FMNL1: variants seen among roughly 807,000 people sequenced by gnomAD.
FMNL1 encodes formin like 1.
A neutral mutation model predicts 121.3 loss-of-function variants in FMNL1; 43 were observed. That is an observed-to-expected ratio of 0.35 (90% confidence interval 0.28 to 0.46). FMNL1 has a LOEUF of 0.46. Ranked by LOEUF, FMNL1 falls within the 20% of genes least tolerant of loss-of-function variation. FMNL1 has a pLI of 1.00. For synonymous variants in FMNL1, 613 were observed against 613.5 expected (o/e 1.00, Z 0.01); for missense variants, 1,191 against 1,482.4 (o/e 0.80, Z 3.23).
At chr17:45,239,287 A>C in intron 11 of FMNL1, 2 of 556,900 alleles carry the variant, frequency 3.6e-6, no homozygotes, top group Non-Finnish European at 3.2e-6. Context: ...CTCTAAATGC[A>C]TAGACCAGTG....
intron 1 of FMNL1, among the ~76,000 whole-genome samples, chr17:45,225,700 G>T (rs1345740785): frequency 6.6e-6 from 1 of 152,176 alleles, no homozygotes; most frequent in African/African-American, 2.4e-5. Context: ...CCTTTGAGGG[G>T]ACAGGGGTTA....
intron 2 of FMNL1, 104 bp from the exon 3 acceptor site, chr17:45,232,263 G>A (rs553786641): frequency 2.5e-5 from 24 of 961,614 alleles, no homozygotes; most frequent in South Asian, 2.0e-4. Flanking sequence ...AGAAAGCCTG[G>A]GACCTCAGAT....
intron 9 of FMNL1, 86 bp from the exon 10 acceptor site, chr17:45,238,478 G>A: frequency 1.5e-6 from 2 of 1,369,372 alleles, no homozygotes; most frequent in Non-Finnish European, 2.1e-6. Flanking sequence ...CTGGAGAGGA[G>A]CCTGTTGAAG....
At chr17:45,224,712 G>C (rs1252021111) in intron 1 of FMNL1, among the ~76,000 whole-genome samples, 2 of 152,192 alleles carry the variant, frequency 1.3e-5, no homozygotes, top group Non-Finnish European at 2.9e-5. Context: ...TGGGTGGTGG[G>C]GGGCTACCTT....
intron 1 of FMNL1, among the ~76,000 whole-genome samples, chr17:45,228,596 G>A (rs755179461): frequency 3.3e-5 from 5 of 152,214 alleles, no homozygotes; most frequent in Non-Finnish European, 5.9e-5. Flanking sequence ...GAAGGCAGTC[G>A]TCGGCGCGCA....
In FMNL1 at chr17:45,235,832, A is replaced by G. The variant is rs115934840; in HGVS notation, c.615-304A>G. Among the ~76,000 whole-genome samples, 862 of 152,294 alleles carry G rather than the reference A, an allele frequency of 5.7e-3. 6 individuals carry two copies. The highest frequency in any genetic ancestry group is 0.02 in the African/African-American group (826 of 41,552). Reference sequence around the variant, plus strand: ...CGTCTTACATTGGAAGATGAGCCCAAGTGGCCATGAGCGCCACCTTGTGGT... The same window carrying G: ...CGTCTTACATTGGAAGATGAGCCCAGGTGGCCATGAGCGCCACCTTGTGGT... On this transcript the variant is annotated intron_variant, in intron 6 of 26. Coordinates refer to ENST00000331495, the MANE Select transcript of FMNL1 (RefSeq NM_005892.4).
chr17:45,235,728 G>T (rs146163404), intron 6 of FMNL1, among the ~76,000 whole-genome samples: 350 of 152,322 alleles, frequency 2.3e-3, no homozygotes, highest in African/African-American at 7.6e-3. Flanking sequence ...GAAAGTGAGG[G>T]ATAGGGAGAT....
chr17:45,245,789 G>A, intron 23 of FMNL1, 56 bp downstream of exon 23: 1 of 1,610,678 alleles, frequency 6.2e-7, no homozygotes, highest in South Asian at 1.1e-5. Flanking sequence ...CCTTTCTACT[G>A]GGCAGCGGAG....
chr17:45,232,863 AT>A, intron 3 of FMNL1: 1 of 552,650 alleles, frequency 1.8e-6, no homozygotes, highest in East Asian at 4.3e-5. Context: ...GTGTGTGTCC[AT>A]GTATGGATGT....
intron 11 of FMNL1, among the ~76,000 whole-genome samples, chr17:45,239,476 C>T (rs982532567): frequency 8.5e-5 from 13 of 152,112 alleles, no homozygotes; most frequent in African/African-American, 3.1e-4. Flanking sequence ...GCTGGATGGG[C>T]CCAGGACATG....
At position 45,234,355 on chromosome 17, in the gene FMNL1, C is replaced by A. The variant is rs1347131580; in HGVS notation, c.614+155C>A. The A allele has an allele frequency of 3.0e-6, 4 of 1,321,000 alleles. 1 individual carries two copies. The highest frequency in any genetic ancestry group is 2.5e-5 in the South Asian group (2 of 79,398). The allele number at this position is 1,321,000 out of a possible 1,614,324, so 81.8% of individuals were successfully genotyped here. On this transcript the variant is annotated intron_variant, in intron 6 of 26. Coordinates refer to ENST00000331495, the MANE Select transcript of FMNL1 (RefSeq NM_005892.4). ...GGGACTCATACAGAGTTTGGGACAC[C>A]AGTATGTTAAGAAGCCATCAGGGGT...
Position 45,233,798 on chromosome 17 carries a change from A to C in FMNL1, c.485+67A>C, listed in dbSNP as rs1598191426. On this transcript the variant is annotated intron_variant, in intron 5 of 26. Transcript: ENST00000331495. The surrounding 1 kb of genome is among the most constrained non-coding windows in gnomAD (Gnocchi z 4.1). ...TTTGATCCCCGTCTCCCTGCATCTC[A>C]CCCACTCCCCTGGCCAGTTTCAAGC... is the stretch of plus-strand genomic sequence containing the variant. 2 of 1,582,954 alleles carry C rather than the reference A, an allele frequency of 1.3e-6. No homozygotes were observed. Among genetic ancestry groups the C allele is most frequent in the East Asian group, 2.3e-5 (1 of 43,784 alleles).
chr17:45,236,031 G>A (rs1348037945), intron 6 of FMNL1, 105 bp from the exon 7 acceptor site: 6 of 885,508 alleles, frequency 6.8e-6, no homozygotes, highest in South Asian at 4.8e-5. Flanking sequence ...ATGTGGTGCC[G>A]TCAGGTTCCA....
In FMNL1 at chr17:45,243,862, G is replaced by C; in HGVS notation, c.2285G>C (p.Arg762Pro). The C allele has an allele frequency of 6.2e-7, 1 of 1,613,804 alleles. No homozygotes were observed. Among genetic ancestry groups the C allele is most frequent in the Non-Finnish European group, 8.5e-7 (1 of 1,180,034 alleles). ...CGCTTCCTGCCCACAGAGTATGAGC[G>C]CAGCCTCATCACCCGCTTTGAGCGG... ...LMRFLPTEYE[R>P]SLITRFEREQ... is the part of the protein sequence containing the mutation. The change falls in exon 18 of 27, where the codon CGC (arginine) becomes CCC (proline). Residue 762 changes from arginine to proline, a missense_variant. By Grantham distance (103) the Arg-to-Pro change is moderately radical. Transcript: ENST00000331495.
intron 23 of FMNL1, 42 bp from the exon 24 acceptor site, chr17:45,245,836 A>G: frequency 1.9e-6 from 3 of 1,589,052 alleles, no homozygotes; most frequent in Non-Finnish European, 2.6e-6. Context: ...TGGGTAGGGC[A>G]GTAGGGAGGG....
At chr17:45,227,469 A>T (rs2043352328) in intron 1 of FMNL1, among the ~76,000 whole-genome samples, 1 of 152,078 alleles carries the variant, frequency 6.6e-6, no homozygotes, top group African/African-American at 2.4e-5. Flanking sequence ...TAATAGAAAG[A>T]TGTGGGGAAT....
chr17:45,232,592 TGA>T, intron 3 of FMNL1, 112 bp downstream of exon 3: 1 of 930,562 alleles, frequency 1.1e-6, no homozygotes, highest in Non-Finnish European at 1.7e-6. Context: ...GGTGCATGTA[TGA>T]GTGTGTGTGT....
intron 12 of FMNL1, 159 bp from the exon 13 acceptor site, chr17:45,240,970 T>A: frequency 1.2e-6 from 1 of 852,422 alleles, no homozygotes; most frequent in Non-Finnish European, 1.8e-6. Context: ...CTTATTTGCT[T>A]GGGTTCGAGT....
Position 45,242,061 on chromosome 17 carries a change from G to GGTGCCT in FMNL1, c.1801_1806dup (p.Val601_Pro602dup). ...CACCACCTCCGGGCACTGACGGGCC[G>GGTGCCT]GTGCCTCCGCCGCCGCCGCCGCCGC... is the stretch of plus-strand genomic sequence containing the variant. On this transcript the variant is annotated inframe_insertion, in exon 15 of 27. Transcript: ENST00000331495. 1 of 1,473,836 alleles carries GGTGCCT rather than the reference G, an allele frequency of 6.8e-7. No individual in the cohort carries two copies. Among genetic ancestry groups the GGTGCCT allele is most frequent in the Non-Finnish European group, 9.0e-7 (1 of 1,115,554 alleles). The allele number at this position is 1,473,836 out of a possible 1,614,324, so 91.3% of individuals were successfully genotyped here.
Sources: allele counts gnomAD v4.1 joint callset (sites outside exome capture counted in the v4.1 genomes callset), GRCh38; gene constraint gnomAD v4.1.1; non-coding constraint Gnocchi (gnomAD v3.1); transcripts MANE v1.5; gene names NCBI Gene and HGNC (gene_info 2026-07-23, HGNC 2026-07-21).